Variants in KIF1A observed in about 807,000 individuals in gnomAD.
The protein encoded by KIF1A is kinesin-like protein KIF1A.
In KIF1A, 46 loss-of-function variants were observed where a neutral mutation model predicts 227.3. That is an observed-to-expected ratio of 0.20 (90% confidence interval 0.16 to 0.26). The LOEUF (loss-of-function observed/expected upper bound fraction) is 0.26, where lower values mean the gene tolerates loss of function less well. Among genes scored for constraint, KIF1A ranks in the 10% least tolerant of loss-of-function variants. The pLI, the probability that KIF1A is intolerant of heterozygous loss-of-function variation, is 1.00. For synonymous variants in KIF1A, 1,022 were observed against 1,012.8 expected (o/e 1.01, Z -0.17); for missense variants, 1,683 against 2,485.9 (o/e 0.68, Z 6.87).
At chr2:240,773,054 G>C (rs574683569) in intron 13 of KIF1A, 60 bp downstream of exon 13, 4 of 1,514,190 alleles carry the variant, frequency 2.6e-6, no homozygotes, top group Non-Finnish European at 3.6e-6. Context: ...GATGACCTGC[G>C]AGGCCCCTGA....
rs1361114116 is a variant in KIF1A, at chr2:240,783,128, G to A, written c.799-19C>T. 1.9e-6 allele frequency: 3 copies of A among 1,608,416 alleles called. No homozygotes were observed. The highest frequency in any genetic ancestry group is 3.3e-5 in the Admixed American group (2 of 60,010). Reference sequence around the variant, plus strand: ...CCCCCTCCTGCGGGCAGAAAAGACAGTGGGGTTGGGATGCTGGGGACCCGT... The same window carrying A: ...CCCCCTCCTGCGGGCAGAAAAGACAATGGGGTTGGGATGCTGGGGACCCGT... On this transcript the variant is annotated intron_variant, in intron 8 of 48. Coordinates refer to ENST00000498729, the MANE Select transcript of KIF1A (RefSeq NM_001244008.2).
Position 240,793,033 on chromosome 2 carries a change from G to C in KIF1A, c.107-3721C>G, listed in dbSNP as rs909516810. Reference sequence around the variant, plus strand: ...AGTCTGGCCTCCAGAACAGGGGGGGGACATTTCTGTCATTTGAAGCCATTC... The same window carrying C: ...AGTCTGGCCTCCAGAACAGGGGGGGCACATTTCTGTCATTTGAAGCCATTC... On this transcript the variant is annotated intron_variant, in intron 2 of 48. Transcript: ENST00000498729. The surrounding 1 kb of genome is among the most constrained non-coding windows in gnomAD (Gnocchi z 4.8). 1.3e-5 allele frequency among the ~76,000 whole-genome samples: 2 copies of C among 152,310 alleles called. No homozygotes were observed. Among genetic ancestry groups the C allele is most frequent in the South Asian group, 2.1e-4 (1 of 4,834 alleles).
chr2:240,782,682 C>G, intron 9 of KIF1A, 75 bp from the exon 10 acceptor site: 1 of 1,470,302 alleles, frequency 6.8e-7, no homozygotes, highest in Non-Finnish European at 9.3e-7. Flanking sequence ...GAAGAGCAGG[C>G]GGCCCGGCTG....
At chr2:240,735,416 C>T (rs1325662751) in intron 38 of KIF1A, among the ~76,000 whole-genome samples, 1 of 137,952 alleles carries the variant, frequency 7.2e-6, no homozygotes, top group Non-Finnish European at 1.7e-5. Context: ...TCACCCATGG[C>T]AGCTGGTCTT....
At position 240,766,561 on chromosome 2, in the gene KIF1A, C is replaced by A. The variant is rs1456519089; in HGVS notation, c.1684+354G>T. Among the ~76,000 whole-genome samples, 2 of 152,152 alleles carry A rather than the reference C, an allele frequency of 1.3e-5. No homozygotes were observed. The highest frequency in any genetic ancestry group is 4.8e-5 in the African/African-American group (2 of 41,430). On this transcript the variant is annotated intron_variant, in intron 19 of 48. Transcript: ENST00000498729. The surrounding 1 kb of genome is among the most constrained non-coding windows in gnomAD (Gnocchi z 5.0). ...CCCTGGGCCCCAACACGCTTCCCGG[C>A]CAGCAGCCCACCTGTGCCCCCACCT... is the stretch of plus-strand genomic sequence containing the variant.
At chr2:240,773,304 C>G (rs1236161379) in intron 12 of KIF1A, 48 bp from the exon 13 acceptor site, 2 of 1,609,164 alleles carry the variant, frequency 1.2e-6, no homozygotes, top group African/African-American at 2.7e-5. Flanking sequence ...AGGTCCACAT[C>G]TGGCAGGTCC....
intron 4 of KIF1A, among the ~76,000 whole-genome samples, chr2:240,787,797 T>A (rs2126089548): frequency 6.6e-6 from 1 of 152,266 alleles, no homozygotes. Context: ...CCAGCTGCTG[T>A]GTCTTAGGCA....
chr2:240,785,681 C>T (rs891041529), intron 6 of KIF1A, among the ~76,000 whole-genome samples: 15 of 152,328 alleles, frequency 9.8e-5, no homozygotes, highest in African/African-American at 3.4e-4. Context: ...ACCTCCAGCA[C>T]GGAGTCACAA....
At chr2:240,811,070 T>A (rs1020349619) in intron 1 of KIF1A, among the ~76,000 whole-genome samples, 7 of 152,232 alleles carry the variant, frequency 4.6e-5, no homozygotes, top group Non-Finnish European at 8.8e-5. Flanking sequence ...TTTTTAAAGA[T>A]GTAACTATTG....
In KIF1A at chr2:240,727,240, G is replaced by C. The variant is rs541422250; in HGVS notation, c.4008-300C>G. Among the ~76,000 whole-genome samples the C allele has an allele frequency of 4.0e-4, 61 of 152,344 alleles. No homozygotes were observed. Among genetic ancestry groups the C allele is most frequent in the Middle Eastern group, 6.8e-3 (2 of 294 alleles). ...GGAAGGAGAGGAGGCGGCAGGGAAT[G>C]AGAACAAGAAGGGCAGAGAGGGAAG... On this transcript the variant is annotated intron_variant, in intron 38 of 48. Coordinates refer to ENST00000498729, the MANE Select transcript of KIF1A (RefSeq NM_001244008.2).
At chr2:240,719,445 A>G (rs923298019) in intron 46 of KIF1A, among the ~76,000 whole-genome samples, 2 of 152,120 alleles carry the variant, frequency 1.3e-5, no homozygotes, top group African/African-American at 4.8e-5. Context: ...AAATAAGCTA[A>G]AGTTGCTGAA....
intron 32 of KIF1A, among the ~76,000 whole-genome samples, chr2:240,744,395 C>T (rs982604457): frequency 6.6e-5 from 10 of 152,162 alleles, no homozygotes; most frequent in Admixed American, 2.6e-4. Context: ...TAGGTCCTGC[C>T]CCACTCAGCA....
chr2:240,783,883 G>A, intron 7 of KIF1A, 67 bp from the exon 8 acceptor site: 2 of 1,240,626 alleles, frequency 1.6e-6, no homozygotes, highest in Non-Finnish European at 2.3e-6. Context: ...CAGGACCCCT[G>A]GGCAAGGTCT....
intron 27 of KIF1A, among the ~76,000 whole-genome samples, chr2:240,756,650 G>A (rs536386871): frequency 3.3e-5 from 5 of 152,378 alleles, no homozygotes; most frequent in Admixed American, 3.3e-4. Flanking sequence ...CCTTTAGACA[G>A]GCATGTTTTG....
intron 10 of KIF1A, among the ~76,000 whole-genome samples, chr2:240,777,089 G>T (rs2052846103): frequency 6.6e-6 from 1 of 152,132 alleles, no homozygotes; most frequent in African/African-American, 2.4e-5. Context: ...CTGTCACCAG[G>T]CTGGAGTGCA....
At chr2:240,810,213 T>C (rs899787725) in intron 1 of KIF1A, among the ~76,000 whole-genome samples, 1 of 152,026 alleles carries the variant, frequency 6.6e-6, no homozygotes, top group African/African-American at 2.4e-5. Flanking sequence ...CTGGAGAAGG[T>C]ATCTGCAACA....
At chr2:240,787,945 C>T in intron 4 of KIF1A, 106 bp downstream of exon 4, 3 of 1,126,916 alleles carry the variant, frequency 2.7e-6, no homozygotes, top group South Asian at 1.5e-5. Flanking sequence ...TCCTGACTCC[C>T]TGCTCTCTGG....
At chr2:240,750,646 C>G (rs920142351) in intron 27 of KIF1A, 99 bp from the exon 28 acceptor site, 1 of 892,924 alleles carries the variant, frequency 1.1e-6, no homozygotes. Flanking sequence ...CAACATGGAG[C>G]TGCAAAGCAG....
intron 44 of KIF1A, 136 bp from the exon 45 acceptor site, chr2:240,721,174 T>C (rs1225787897): frequency 1.6e-6 from 2 of 1,218,806 alleles, no homozygotes; most frequent in Non-Finnish European, 2.3e-6. Flanking sequence ...CAGCCTTGGC[T>C]CAAAGTTGGC....
Sources: allele counts gnomAD v4.1 joint callset (sites outside exome capture counted in the v4.1 genomes callset), GRCh38; gene constraint gnomAD v4.1.1; non-coding constraint Gnocchi (gnomAD v3.1); transcripts MANE v1.5; gene names NCBI Gene and HGNC (gene_info 2026-07-23, HGNC 2026-07-21).